CTNNBIP1: variants seen among roughly 807,000 people sequenced by gnomAD.
CTNNBIP1 encodes the protein beta-catenin-interacting protein 1.
A neutral mutation model predicts 11.8 loss-of-function variants in CTNNBIP1; 7 were observed. The observed-to-expected ratio is 0.60, with a 90% CI of 0.34 to 1.12. The LOEUF (loss-of-function observed/expected upper bound fraction) is 1.12, where lower values mean the gene tolerates loss of function less well. CTNNBIP1 is among the 50% of genes most tolerant of loss of function. CTNNBIP1 has a pLI of 0.03. For synonymous variants in CTNNBIP1, 58 were observed against 43.9 expected, an observed-to-expected ratio of 1.32 and a Z score of -1.26; for missense variants, 101 against 113.4, an observed-to-expected ratio of 0.89 and a Z score of 0.50.
At chr1:9,909,629 C>G (rs1570608121) in intron 1 of CTNNBIP1, among the ~76,000 whole-genome samples, 1 of 152,208 alleles carries the variant, frequency 6.6e-6, no homozygotes, top group African/African-American at 2.4e-5. Flanking sequence ...CACCAGGTAC[C>G]TTCCAGGAAG....
At chr1:9,869,781 C>T (rs1171677592) in intron 5 of CTNNBIP1, among the ~76,000 whole-genome samples, 1 of 152,196 alleles carries the variant, frequency 6.6e-6, no homozygotes, top group Non-Finnish European at 1.5e-5. Flanking sequence ...GGTGAGTCTC[C>T]AGGGACTCAG....
At chr1:9,861,377 G>A (rs1244934059) in intron 5 of CTNNBIP1, among the ~76,000 whole-genome samples, 1 of 152,212 alleles carries the variant, frequency 6.6e-6, no homozygotes, top group African/African-American at 2.4e-5. Flanking sequence ...CTGGTGGCAT[G>A]TGCTATTTTC....
intron 5 of CTNNBIP1, among the ~76,000 whole-genome samples, chr1:9,856,784 G>T (rs1433194235): frequency 6.6e-6 from 1 of 151,970 alleles, no homozygotes; most frequent in Non-Finnish European, 1.5e-5. Context: ...AAAGTGTTGG[G>T]ATTAAAGGCA....
At chr1:9,864,426 T>G (rs1001733828) in intron 5 of CTNNBIP1, among the ~76,000 whole-genome samples, 5 of 152,242 alleles carry the variant, frequency 3.3e-5, no homozygotes, top group Non-Finnish European at 7.3e-5. Flanking sequence ...CCTCCCGGGT[T>G]CACGCCATTC....
At chr1:9,875,856 C>A (rs1352964404) in intron 3 of CTNNBIP1, among the ~76,000 whole-genome samples, 1 of 152,212 alleles carries the variant, frequency 6.6e-6, no homozygotes, top group Non-Finnish European at 1.5e-5. Flanking sequence ...ATTCTCTCCT[C>A]TGCAGTAAGG....
At chr1:9,907,381 G>A (rs1411301078) in intron 1 of CTNNBIP1, among the ~76,000 whole-genome samples, 1 of 152,168 alleles carries the variant, frequency 6.6e-6, no homozygotes, top group South Asian at 2.1e-4. Flanking sequence ...ATGTTGCCCA[G>A]GCTGGTCTTG....
At chr1:9,907,687 C>T (rs760776763) in intron 1 of CTNNBIP1, among the ~76,000 whole-genome samples, 18 of 152,200 alleles carry the variant, frequency 1.2e-4, no homozygotes, top group Non-Finnish European at 2.2e-4. Flanking sequence ...ATCAAGGAGG[C>T]GGGGACCTGT....
chr1:9,902,154 A>G (rs981966390), intron 1 of CTNNBIP1, among the ~76,000 whole-genome samples: 1 of 152,162 alleles, frequency 6.6e-6, no homozygotes, highest in Non-Finnish European at 1.5e-5. Flanking sequence ...ATAGGTGTCC[A>G]TGTGCATCAG....
intron 5 of CTNNBIP1, among the ~76,000 whole-genome samples, chr1:9,853,314 T>G (rs1638429957): frequency 6.6e-6 from 1 of 152,282 alleles, no homozygotes; most frequent in Admixed American, 6.5e-5. Context: ...TTGTCACTGG[T>G]TGGCCAGGTA....
At chr1:9,909,106 G>C (rs557573685) in intron 1 of CTNNBIP1, among the ~76,000 whole-genome samples, 1 of 152,358 alleles carries the variant, frequency 6.6e-6, no homozygotes, top group African/African-American at 2.4e-5. Context: ...CCCAGTGGTT[G>C]TAGCAGGGAG....
At position 9,883,890 on chromosome 1, in the gene CTNNBIP1, G is replaced by A. The variant is rs992397796; in HGVS notation, c.-143-152C>T. Among the ~76,000 whole-genome samples, 4 of 152,150 alleles carry A rather than the reference G, an allele frequency of 2.6e-5. No homozygotes were observed. Among genetic ancestry groups the A allele is most frequent in the Non-Finnish European group, 5.9e-5 (4 of 68,024 alleles). ...GTGGGTCGGCTGACTTAACGGTGCT[G>A]GGGGAGCTCAGGGGAGGTCACCACC... On this transcript the variant is annotated intron_variant, in intron 1 of 5. Transcript: ENST00000377263. This position sits in a 1 kb window ranked among gnomAD's most constrained non-coding sequence, Gnocchi z 5.6.
chr1:9,850,909 TC>T (rs1000981192), intron 5 of CTNNBIP1, 133 bp from the exon 6 acceptor site: 1 of 810,412 alleles, frequency 1.2e-6, no homozygotes, highest in African/African-American at 1.7e-5. Flanking sequence ...ACAAAGTACT[TC>T]CGAGGAAGTC....
intron 2 of CTNNBIP1, among the ~76,000 whole-genome samples, chr1:9,880,591 T>C (rs1444507357): frequency 1.3e-5 from 2 of 152,232 alleles, no homozygotes; most frequent in Non-Finnish European, 2.9e-5. Context: ...TTCACACTAC[T>C]ACCAACAGCG....
At chr1:9,852,493 G>C (rs1256373474) in intron 5 of CTNNBIP1, among the ~76,000 whole-genome samples, 1 of 152,174 alleles carries the variant, frequency 6.6e-6, no homozygotes, top group Non-Finnish European at 1.5e-5. Flanking sequence ...CGCTTGGGAA[G>C]CCCTATGAAT....
intron 5 of CTNNBIP1, among the ~76,000 whole-genome samples, chr1:9,862,847 G>A (rs903034339): frequency 2.0e-5 from 3 of 152,222 alleles, no homozygotes; most frequent in Admixed American, 1.3e-4. Flanking sequence ...GGGTGGCACC[G>A]TGCCTAGCAC....
At chr1:9,884,325 G>A (rs2101512462) in intron 1 of CTNNBIP1, among the ~76,000 whole-genome samples, 1 of 152,254 alleles carries the variant, frequency 6.6e-6, no homozygotes, top group East Asian at 1.9e-4. Context: ...AGCCCTTGGG[G>A]CAGGGCAGTC....
At chr1:9,880,009 G>A (rs1347487569) in intron 2 of CTNNBIP1, among the ~76,000 whole-genome samples, 1 of 152,066 alleles carries the variant, frequency 6.6e-6, no homozygotes, top group African/African-American at 2.4e-5. Flanking sequence ...TGTGCAGAAC[G>A]TGCAGGTTAC....
At chr1:9,901,482 G>A (rs1303676604) in intron 1 of CTNNBIP1, among the ~76,000 whole-genome samples, 1 of 152,132 alleles carries the variant, frequency 6.6e-6, no homozygotes, top group Non-Finnish European at 1.5e-5. Context: ...CTTCAGGGGT[G>A]GTAACTTCAT....
chr1:9,860,162 A>C (rs901638979), intron 5 of CTNNBIP1, among the ~76,000 whole-genome samples: 8 of 152,140 alleles, frequency 5.3e-5, no homozygotes, highest in Non-Finnish European at 1.2e-4. Context: ...GGTACAAAAA[A>C]GCCTGGCTAA....
Sources: allele counts gnomAD v4.1 joint callset (sites outside exome capture counted in the v4.1 genomes callset), GRCh38; gene constraint gnomAD v4.1.1; non-coding constraint Gnocchi (gnomAD v3.1); transcripts MANE v1.5; gene names NCBI Gene and HGNC (gene_info 2026-07-23, HGNC 2026-07-21).